EFNA5: variants seen among roughly 807,000 people sequenced by gnomAD.
EFNA5 encodes ephrin-A5.
EFNA5 carries 5 observed loss-of-function variants against 22.9 expected under a neutral mutation model. That is an observed-to-expected ratio of 0.22 (90% CI 0.11 to 0.46). The LOEUF (loss-of-function observed/expected upper bound fraction) is 0.46, where lower values mean the gene tolerates loss of function less well. Ranked by LOEUF, EFNA5 falls within the 20% of genes least tolerant of loss-of-function variation. The pLI is 0.99. For missense variants in EFNA5, 237 were observed against 293.3 expected (o/e 0.81, Z 1.40); for synonymous variants, 113 against 112.2 (o/e 1.01, Z -0.04).
At chr5:107,417,539 T>A (rs952634329) in intron 2 of EFNA5, among the ~76,000 whole-genome samples, 1 of 152,112 alleles carries the variant, frequency 6.6e-6, no homozygotes, top group Admixed American at 6.6e-5. Context: ...AGGATACTCA[T>A]GAACTAAAAT....
At position 107,391,064 on chromosome 5, in the gene EFNA5, C is replaced by G. The variant is rs191485676; in HGVS notation, c.419-3293G>C. Among the ~76,000 whole-genome samples, 289 of 152,272 alleles carry G rather than the reference C, an allele frequency of 1.9e-3. 1 individual carries two copies. Among genetic ancestry groups the G allele is most frequent in the Non-Finnish European group, 3.5e-3 (241 of 68,024 alleles). ...ATCCCAGCTACTCGGGAGGCTAATGCATGAGAATTGCTTGAGCCCAGGAGG... is the reference window on the plus strand; with the variant it reads ...ATCCCAGCTACTCGGGAGGCTAATGGATGAGAATTGCTTGAGCCCAGGAGG... On this transcript the variant is annotated intron_variant, in intron 2 of 4. Transcript: ENST00000333274.
chr5:107,640,968 G>GTAGT (rs1750488479), intron 1 of EFNA5, among the ~76,000 whole-genome samples: 2 of 146,778 alleles, frequency 1.4e-5, no homozygotes, highest in South Asian at 4.5e-4. Context: ...AGGTAGGTAG[G>GTAGT]TAGGCAGGTA....
chr5:107,465,977 A>T (rs1210480942), intron 1 of EFNA5, among the ~76,000 whole-genome samples: 1 of 152,090 alleles, frequency 6.6e-6, no homozygotes, highest in Non-Finnish European at 1.5e-5. Context: ...AAGACCGGGT[A>T]TCTCATTTTC....
At chr5:107,620,601 C>T (rs972514673) in intron 1 of EFNA5, among the ~76,000 whole-genome samples, 5 of 152,172 alleles carry the variant, frequency 3.3e-5, no homozygotes, top group African/African-American at 1.2e-4. Flanking sequence ...TAAGATAACA[C>T]TGCAAAAGAC....
intron 1 of EFNA5, among the ~76,000 whole-genome samples, chr5:107,667,093 G>T (rs1439599759): frequency 6.6e-6 from 1 of 151,994 alleles, no homozygotes; most frequent in South Asian, 2.1e-4. Flanking sequence ...TTAAAAGGAT[G>T]ATTTGATTAT....
At chr5:107,537,900 C>T (rs547717639) in intron 1 of EFNA5, among the ~76,000 whole-genome samples, 63 of 152,242 alleles carry the variant, frequency 4.1e-4, no homozygotes, top group African/African-American at 1.5e-3. Context: ...CAGATACACA[C>T]AAATGATTAG....
chr5:107,486,531 G>C (rs895651577), intron 1 of EFNA5, among the ~76,000 whole-genome samples: 13 of 152,320 alleles, frequency 8.5e-5, no homozygotes, highest in Non-Finnish European at 1.5e-5. Flanking sequence ...AGTTTATAGA[G>C]TTCACCCATA....
chr5:107,398,221 T>C (rs1008192500), intron 2 of EFNA5, among the ~76,000 whole-genome samples: 2 of 152,136 alleles, frequency 1.3e-5, no homozygotes, highest in African/African-American at 4.8e-5. Flanking sequence ...TCCTGGAAAG[T>C]CCACCTTTTC....
At chr5:107,516,174 T>TTGTGTGTGTGTG (rs59824895) in intron 1 of EFNA5, among the ~76,000 whole-genome samples, 16,067 of 139,388 alleles carry the variant, frequency 0.12, 1,196 homozygotes, top group Non-Finnish European at 0.15. Flanking sequence ...CTGGCTAGTT[T>TTGTGTGTGTGTG]TGTGTGTGTG....
chr5:107,391,573 T>C (rs188012449), intron 2 of EFNA5, among the ~76,000 whole-genome samples: 3 of 152,346 alleles, frequency 2.0e-5, no homozygotes, highest in Admixed American at 2.0e-4. Context: ...GATTTTCTAA[T>C]AGAATTTTTC....
intron 1 of EFNA5, among the ~76,000 whole-genome samples, chr5:107,602,675 G>A (rs952887553): frequency 2.6e-5 from 4 of 152,052 alleles, no homozygotes; most frequent in Non-Finnish European, 2.9e-5. Context: ...TTAATTACAT[G>A]GTAATACTTA....
intron 1 of EFNA5, among the ~76,000 whole-genome samples, chr5:107,529,427 A>T (rs694762): frequency 0.04 from 6,141 of 152,094 alleles, 420 homozygotes; most frequent in African/African-American, 0.14. Flanking sequence ...ATAGCTCACC[A>T]TGCCTGCACA....
At chr5:107,639,414 A>G (rs1322823080) in intron 1 of EFNA5, among the ~76,000 whole-genome samples, 1 of 152,204 alleles carries the variant, frequency 6.6e-6, no homozygotes, top group East Asian at 1.9e-4. Context: ...TAAAGGTGTA[A>G]CTTTCATCCA....
chr5:107,387,616 G>A (rs1747662088), intron 3 of EFNA5, 90 bp downstream of exon 3: 2 of 872,680 alleles, frequency 2.3e-6, no homozygotes, highest in Non-Finnish European at 3.7e-6. Flanking sequence ...AGATTTAACA[G>A]TAAAAAAAAG....
intron 1 of EFNA5, among the ~76,000 whole-genome samples, chr5:107,616,159 T>C (rs60127859): frequency 0.062 from 9,484 of 152,206 alleles, 343 homozygotes; most frequent in Middle Eastern, 0.17. Flanking sequence ...ATAAAGAAGT[T>C]TGGAGAATGA....
In EFNA5 at chr5:107,410,022, C is replaced by T. The variant is rs115010513; in HGVS notation, c.418+17195G>A. Among the ~76,000 whole-genome samples the T allele has an allele frequency of 6.7e-3, 590 of 88,014 alleles. 14 individuals carry two copies. The highest frequency in any genetic ancestry group is 0.023 in the African/African-American group (528 of 23,102). The allele number at this position is 88,014 out of a possible 152,430, so 57.7% of individuals were successfully genotyped here. On this transcript the variant is annotated intron_variant, in intron 2 of 4. Coordinates refer to ENST00000333274, the MANE Select transcript of EFNA5 (RefSeq NM_001962.3). ...CCAGAGGAATTTAAGTGACATGATT[C>T]TTTTTTTTTTTTTTTTTTTTTTTTG... is the stretch of plus-strand genomic sequence containing the variant.
intron 1 of EFNA5, among the ~76,000 whole-genome samples, chr5:107,542,743 G>A (rs910901611): frequency 2.6e-5 from 4 of 152,166 alleles, no homozygotes; most frequent in Non-Finnish European, 4.4e-5. Context: ...GGTCTAGAGA[G>A]ATGTCTATTA....
At chr5:107,514,576 T>G (rs1048806794) in intron 1 of EFNA5, among the ~76,000 whole-genome samples, 1 of 152,200 alleles carries the variant, frequency 6.6e-6, no homozygotes, top group African/African-American at 2.4e-5. Flanking sequence ...AGGGCAGATT[T>G]ATTTTTCTGC....
intron 1 of EFNA5, among the ~76,000 whole-genome samples, chr5:107,466,426 A>T (rs900057521): frequency 2.0e-5 from 3 of 152,082 alleles, no homozygotes; most frequent in Non-Finnish European, 2.9e-5. Flanking sequence ...TCTCTCTCCC[A>T]GACTCCCTTC....
Sources: allele counts gnomAD v4.1 joint callset (sites outside exome capture counted in the v4.1 genomes callset), GRCh38; gene constraint gnomAD v4.1.1; transcripts MANE v1.5; gene names NCBI Gene and HGNC (gene_info 2026-07-23, HGNC 2026-07-21).